TENM4: variants seen among roughly 807,000 people sequenced by gnomAD.
The protein encoded by TENM4 is teneurin transmembrane protein 4.
TENM4 carries 82 observed loss-of-function variants against 243.3 expected under a neutral mutation model. The ratio of observed to expected loss-of-function variants is 0.34; its 90% CI spans 0.28 to 0.40. The LOEUF (loss-of-function observed/expected upper bound fraction) is 0.40. Among genes scored for constraint, TENM4 ranks in the 10% least tolerant of loss-of-function variants. The pLI is 1.00. For missense variants in TENM4, 3,138 were observed against 3,673.3 expected (o/e 0.85, Z 3.77); for synonymous variants, 1,412 against 1,456.3 (o/e 0.97, Z 0.69).
Position 78,786,952 on chromosome 11 carries a change from G to A in TENM4, c.2311C>T (p.Arg771Cys), listed in dbSNP as rs747366543. ...GGGCTGCACTCGCACTTGCCGTCGC[G>A]GCAGGTCCCATGCTCGGCACAGCGC... ...HPRCAEHGTCRDGKCECSPGW... is the reference protein window; with the variant it reads ...HPRCAEHGTCCDGKCECSPGW... Residue 771 changes from arginine to cysteine, a missense_variant, in exon 16 of 34, where the codon CGC (arginine) becomes TGC (cysteine). Physicochemically the swap from Arg to Cys is radical, Grantham distance 180 (BLOSUM62 -3). Transcript: ENST00000278550. The A allele has an allele frequency of 2.1e-5, 34 of 1,603,312 alleles. No homozygotes were observed. The highest frequency in any genetic ancestry group is 1.8e-4 in the East Asian group (8 of 44,384).
intron 2 of TENM4, among the ~76,000 whole-genome samples, chr11:79,280,558 C>A (rs1213893584): frequency 1.3e-5 from 2 of 152,180 alleles, no homozygotes; most frequent in Admixed American, 1.3e-4. Flanking sequence ...CTATACTACA[C>A]CTGCTTTAGG....
intron 2 of TENM4, among the ~76,000 whole-genome samples, chr11:79,241,744 T>TG (rs975431683): frequency 2.6e-5 from 4 of 151,868 alleles, no homozygotes; most frequent in African/African-American, 9.7e-5. Context: ...ATGTGTATGG[T>TG]GGGGGGCGGA....
At chr11:79,167,984 A>G (rs1862954347) in intron 3 of TENM4, among the ~76,000 whole-genome samples, 1 of 152,116 alleles carries the variant, frequency 6.6e-6, no homozygotes, top group Admixed American at 6.5e-5. Context: ...CCCTGTGCAG[A>G]CTCTCACCCT....
At chr11:78,785,219 G>T (rs968000039) in intron 16 of TENM4, among the ~76,000 whole-genome samples, 1 of 152,092 alleles carries the variant, frequency 6.6e-6, no homozygotes, top group African/African-American at 2.4e-5. Flanking sequence ...TCTCACTAAG[G>T]GGTTTCCAGG....
intron 2 of TENM4, among the ~76,000 whole-genome samples, chr11:79,274,460 T>C (rs1162718922): frequency 1.3e-5 from 2 of 152,218 alleles, no homozygotes; most frequent in Non-Finnish European, 2.9e-5. Flanking sequence ...TTATACTTCA[T>C]GGGAGTTTCT....
At chr11:79,098,190 A>G (rs1861130531) in intron 4 of TENM4, among the ~76,000 whole-genome samples, 1 of 150,866 alleles carries the variant, frequency 6.6e-6, no homozygotes, top group Admixed American at 6.6e-5. Context: ...TGCCTTCAAA[A>G]CCCTGCATGC....
At chr11:78,731,747 T>G (rs2135878265) in intron 21 of TENM4, among the ~76,000 whole-genome samples, 1 of 152,340 alleles carries the variant, frequency 6.6e-6, no homozygotes, top group African/African-American at 2.4e-5. Flanking sequence ...AGTAAAGCAG[T>G]TGTATGTACA....
At chr11:79,266,578 A>G (rs1352195702) in intron 2 of TENM4, among the ~76,000 whole-genome samples, 2 of 152,164 alleles carry the variant, frequency 1.3e-5, no homozygotes, top group Non-Finnish European at 2.9e-5. Context: ...TGCTACTAGT[A>G]TCAGTAGAGG....
At chr11:79,051,523 G>A (rs1389359182) in intron 6 of TENM4, among the ~76,000 whole-genome samples, 2 of 152,318 alleles carry the variant, frequency 1.3e-5, no homozygotes, top group East Asian at 3.9e-4. Context: ...TCTCCATCAG[G>A]TAATATGACT....
intron 3 of TENM4, among the ~76,000 whole-genome samples, chr11:79,175,453 A>C (rs777346327): frequency 6.6e-6 from 1 of 152,246 alleles, no homozygotes; most frequent in Non-Finnish European, 1.5e-5. Context: ...AATGTCTAAC[A>C]GCTAGAGAAA....
At chr11:79,138,223 T>A (rs1862150714) in intron 4 of TENM4, among the ~76,000 whole-genome samples, 1 of 148,064 alleles carries the variant, frequency 6.8e-6, no homozygotes, top group South Asian at 2.1e-4. Context: ...GTTTTGGAAC[T>A]TGGACTGGCT....
intron 9 of TENM4, among the ~76,000 whole-genome samples, chr11:78,877,740 C>T (rs1859305865): frequency 6.6e-6 from 1 of 152,240 alleles, no homozygotes; most frequent in Non-Finnish European, 1.5e-5. Flanking sequence ...AAATGTGGGT[C>T]CCTTCTTTTT....
chr11:79,364,482 C>G (rs1857643383), intron 1 of TENM4, among the ~76,000 whole-genome samples: 1 of 152,152 alleles, frequency 6.6e-6, no homozygotes, highest in African/African-American at 2.4e-5. Flanking sequence ...TCATGTAGCT[C>G]TACCTAAAAT....
At chr11:79,147,866 G>T (rs1429250486) in intron 4 of TENM4, among the ~76,000 whole-genome samples, 1 of 152,086 alleles carries the variant, frequency 6.6e-6, no homozygotes, top group Admixed American at 6.6e-5. Flanking sequence ...CAGATTCCAT[G>T]GATTCCCAAG....
chr11:79,252,165 A>C (rs930650550), intron 2 of TENM4, among the ~76,000 whole-genome samples: 1 of 152,268 alleles, frequency 6.6e-6, no homozygotes, highest in Non-Finnish European at 1.5e-5. Flanking sequence ...TGAAATAAAC[A>C]GAATCTGTGA....
At chr11:79,085,974 C>G (rs570897564) in intron 4 of TENM4, among the ~76,000 whole-genome samples, 1 of 152,156 alleles carries the variant, frequency 6.6e-6, no homozygotes, top group Non-Finnish European at 1.5e-5. Flanking sequence ...ATACAAACAC[C>G]ACAAGCACAG....
intron 19 of TENM4, among the ~76,000 whole-genome samples, chr11:78,755,940 C>T (rs140916711): frequency 3.3e-5 from 5 of 152,114 alleles, no homozygotes; most frequent in East Asian, 1.9e-4. Context: ...GGCACCACTA[C>T]GTTGGAAGAC....
chr11:79,376,045 A>T (rs1355020861), intron 1 of TENM4, among the ~76,000 whole-genome samples: 1 of 152,242 alleles, frequency 6.6e-6, no homozygotes, highest in Non-Finnish European at 1.5e-5. Flanking sequence ...GGGGGACTGG[A>T]TTCCTTAGAC....
At chr11:79,156,499 A>G (rs1345222697) in intron 3 of TENM4, among the ~76,000 whole-genome samples, 1 of 152,180 alleles carries the variant, frequency 6.6e-6, no homozygotes, top group Non-Finnish European at 1.5e-5. Context: ...AGCACTTTCT[A>G]CATGCTGTTT....
Sources: allele counts gnomAD v4.1 joint callset (sites outside exome capture counted in the v4.1 genomes callset), GRCh38; gene constraint gnomAD v4.1.1; transcripts MANE v1.5; gene names NCBI Gene and HGNC (gene_info 2026-07-23, HGNC 2026-07-21).